KYNU: variants seen among roughly 807,000 people sequenced by gnomAD.
KYNU encodes kynureninase.
A neutral mutation model predicts 59.2 loss-of-function variants in KYNU; 54 were observed. That is an observed-to-expected ratio of 0.91 (90% CI 0.73 to 1.14). The LOEUF (loss-of-function observed/expected upper bound fraction) is 1.14, where lower values mean the gene tolerates loss of function less well. Ranked by LOEUF, KYNU falls within the 50% of genes most tolerant of loss-of-function variation. KYNU has a pLI of 0.00. For missense variants in KYNU, 567 were observed against 554.4 expected (o/e 1.02, Z -0.23); for synonymous variants, 177 against 192.0 (o/e 0.92, Z 0.65).
intron 3 of KYNU, among the ~76,000 whole-genome samples, chr2:142,926,994 G>T (rs1448657003): frequency 6.6e-6 from 1 of 152,114 alleles, no homozygotes; most frequent in Non-Finnish European, 1.5e-5. Context: ...AAGTGTATTT[G>T]CCTTCTTCAT....
chr2:142,917,102 C>T (rs1682689099), intron 2 of KYNU, among the ~76,000 whole-genome samples: 1 of 152,136 alleles, frequency 6.6e-6, no homozygotes, highest in African/African-American at 2.4e-5. Flanking sequence ...GTAGAGGAGA[C>T]AGAAAATAAT....
chr2:142,895,402 T>C (rs1047511539), intron 2 of KYNU, among the ~76,000 whole-genome samples: 2 of 152,262 alleles, frequency 1.3e-5, no homozygotes, highest in Non-Finnish European at 2.9e-5. Context: ...CTTTGGAGAC[T>C]GGTTTCCTTT....
chr2:142,901,974 G>A (rs1682107835), intron 2 of KYNU, among the ~76,000 whole-genome samples: 1 of 152,196 alleles, frequency 6.6e-6, no homozygotes, highest in Non-Finnish European at 1.5e-5. Flanking sequence ...AAGAAATGTG[G>A]CGGGGTTAAG....
At chr2:142,900,109 T>A (rs1191550898) in intron 2 of KYNU, among the ~76,000 whole-genome samples, 1 of 152,192 alleles carries the variant, frequency 6.6e-6, no homozygotes, top group East Asian at 1.9e-4. Flanking sequence ...AAGAGAACCG[T>A]GGAACCCAGT....
In KYNU at chr2:142,938,958, A is replaced by AAAAT. The variant is rs777962084; in HGVS notation, c.373+11236_373+11239dup. Among the ~76,000 whole-genome samples, 561 of 152,066 alleles carry AAAAT rather than the reference A, an allele frequency of 3.7e-3. 6 individuals are homozygous for AAAAT. The highest frequency in any genetic ancestry group is 0.013 in the African/African-American group (527 of 41,498). ...CAAAATAGTGAGACCCCGTCTCTACAAAATAAATAAATAAATAAATAAGTA... is the reference window on the plus strand; with the variant it reads ...CAAAATAGTGAGACCCCGTCTCTACAAAATAAATAAATAAATAAATAAATAAGTA... On this transcript the variant is annotated intron_variant, in intron 4 of 13. Transcript: ENST00000264170.
chr2:143,032,715 G>GTGTGTGTGTGTGTGTGTGTGTT (rs1686789105), intron 11 of KYNU, among the ~76,000 whole-genome samples: 2 of 148,680 alleles, frequency 1.3e-5, no homozygotes, highest in African/African-American at 5.0e-5. Flanking sequence ...CCTCTATTGT[G>GTGTGTGTGTGTGTGTGTGTGTT]TGTGTGTGTG....
Position 143,047,288 on chromosome 2 carries a change from G to A in KYNU, c.*5116G>A, listed in dbSNP as rs537259146. ...AAACAGTGTTTTGCTACATTTCCCAGGCTGGTCTCAAACTCCTGGCCCCAA... is the reference window on the plus strand; with the variant it reads ...AAACAGTGTTTTGCTACATTTCCCAAGCTGGTCTCAAACTCCTGGCCCCAA... On this transcript the variant is annotated 3_prime_UTR_variant, in exon 14 of 14. Transcript: ENST00000264170. The A allele has an allele frequency of 2.0e-5, 3 of 152,196 alleles. No homozygotes were observed. In the East Asian group the frequency reaches 5.8e-4, roughly 29 times the overall value. The allele number at this position is 152,196 out of a possible 1,614,324, so 9.4% of individuals were successfully genotyped here. A position where few individuals can be genotyped will look rare whatever the true frequency, so the allele number is the denominator to read the frequency against.
intron 10 of KYNU, among the ~76,000 whole-genome samples, chr2:143,010,099 T>G (rs1220201775): frequency 7.0e-6 from 1 of 143,806 alleles, no homozygotes; most frequent in African/African-American, 2.7e-5. Flanking sequence ...GGTACCCAAT[T>G]AGGAAAAGAG....
intron 12 of KYNU, 138 bp from the exon 13 acceptor site, chr2:143,040,290 C>CA (rs1687003713): frequency 6.0e-6 from 4 of 663,546 alleles, no homozygotes; most frequent in South Asian, 3.5e-5. Context: ...TGATTTTACA[C>CA]AAAAAGATTA....
chr2:143,041,772 G>T (rs896895478), intron 13 of KYNU, among the ~76,000 whole-genome samples: 2 of 151,676 alleles, frequency 1.3e-5, no homozygotes, highest in African/African-American at 2.4e-5. Flanking sequence ...TGTATTTATG[G>T]TCTATTAAAT....
intron 4 of KYNU, chr2:142,947,188 A>T (rs1033663634): frequency 1.9e-6 from 3 of 1,550,834 alleles, no homozygotes; most frequent in African/African-American, 2.7e-5. Context: ...GCTAACGCAG[A>T]CACCTCTGAG....
intron 9 of KYNU, 138 bp downstream of exon 9, chr2:142,985,320 A>G (rs1205703581): frequency 1.5e-6 from 1 of 685,824 alleles, no homozygotes; most frequent in East Asian, 2.8e-5. Context: ...GCTTTTTGTT[A>G]ATCGAGTTAT....
intron 2 of KYNU, among the ~76,000 whole-genome samples, chr2:142,915,550 G>T (rs1682639552): frequency 6.6e-6 from 1 of 152,190 alleles, no homozygotes; most frequent in Admixed American, 6.5e-5. Flanking sequence ...TAAACTAAAA[G>T]AGTAAGCTCA....
intron 2 of KYNU, among the ~76,000 whole-genome samples, chr2:142,897,296 T>C (rs1438298194): frequency 6.6e-6 from 1 of 152,214 alleles, no homozygotes; most frequent in African/African-American, 2.4e-5. Context: ...TGTCTGCTAA[T>C]AAAATGTAGA....
intron 2 of KYNU, among the ~76,000 whole-genome samples, chr2:142,900,023 C>T (rs1682021804): frequency 6.6e-6 from 1 of 152,088 alleles, no homozygotes; most frequent in South Asian, 2.1e-4. Context: ...GGGTTCTTGG[C>T]CTCAAAGGTT....
rs1482151626 is a variant in KYNU, at chr2:142,960,761, A to G, written c.720A>G (p.Gly240=). Residue 240 remains glycine (G), a synonymous_variant, in exon 8 of 14, where the codon GGA becomes GGG. Transcript: ENST00000264170. ...ATATTCCTGCCATCACAAAAGCTGGACAAGCGAAGGTATGCACGCCATTTA... is the reference window on the plus strand; with the variant it reads ...ATATTCCTGCCATCACAAAAGCTGGGCAAGCGAAGGTATGCACGCCATTTA... ...HFNIPAITKA[G]QAKGCYVGFD... 6.2e-7 allele frequency: 1 copy of G among 1,614,032 alleles called. No homozygotes were observed. Among genetic ancestry groups the G allele is most frequent in the Non-Finnish European group, 8.5e-7 (1 of 1,179,982 alleles).
intron 2 of KYNU, among the ~76,000 whole-genome samples, chr2:142,889,174 A>G (rs1367349674): frequency 6.6e-6 from 1 of 152,170 alleles, no homozygotes. Context: ...ATGTTTCTAT[A>G]ACAAAGACAG....
chr2:142,898,814 T>A (rs1488073128), intron 2 of KYNU, among the ~76,000 whole-genome samples: 2 of 152,078 alleles, frequency 1.3e-5, no homozygotes, highest in Non-Finnish European at 2.9e-5. Flanking sequence ...GGCCATGCGG[T>A]GAGTGTTATA....
intron 8 of KYNU, among the ~76,000 whole-genome samples, chr2:142,968,145 G>T (rs907252903): frequency 6.6e-6 from 1 of 152,096 alleles, no homozygotes; most frequent in Non-Finnish European, 1.5e-5. Flanking sequence ...CCATAGAATA[G>T]CATGCATTTG....
Sources: allele counts gnomAD v4.1 joint callset (sites outside exome capture counted in the v4.1 genomes callset), GRCh38; gene constraint gnomAD v4.1.1; transcripts MANE v1.5; gene names NCBI Gene and HGNC (gene_info 2026-07-23, HGNC 2026-07-21).